Variants in SCARB2 observed in about 807,000 individuals in gnomAD.
The protein encoded by SCARB2 is lysosome membrane protein 2.
SCARB2 carries 29 observed loss-of-function variants against 58.6 expected under a neutral mutation model. That is an observed-to-expected ratio of 0.49 (90% CI 0.37 to 0.67). The LOEUF is 0.67. Among genes scored for constraint, SCARB2 ranks in the 30% least tolerant of loss-of-function variants. SCARB2 has a pLI of 0.00. For missense variants in SCARB2, 488 were observed against 578.5 expected, an observed-to-expected ratio of 0.84 and a Z score of 1.60; for synonymous variants, 195 against 210.1, an observed-to-expected ratio of 0.93 and a Z score of 0.62.
intron 1 of SCARB2, among the ~76,000 whole-genome samples, chr4:76,211,650 C>T (rs1733049683): frequency 2.0e-5 from 3 of 152,282 alleles, no homozygotes; most frequent in African/African-American, 7.2e-5. Flanking sequence ...ATAGTGGAAG[C>T]TAGGTTTCAT....
chr4:76,232,704 G>A (rs1342605993), intron 1 of SCARB2, among the ~76,000 whole-genome samples: 4 of 152,028 alleles, frequency 2.6e-5, no homozygotes, highest in South Asian at 4.2e-4. Flanking sequence ...AAATCATCTC[G>A]TTTGCCTCTC....
intron 1 of SCARB2, among the ~76,000 whole-genome samples, chr4:76,226,067 TC>T (rs1167326201): frequency 6.6e-6 from 1 of 152,040 alleles, no homozygotes; most frequent in Non-Finnish European, 1.5e-5. Flanking sequence ...GTTGGGGTGA[TC>T]AGACTCAACA....
At chr4:76,178,876 G>C (rs1193478103) in intron 4 of SCARB2, among the ~76,000 whole-genome samples, 2 of 152,166 alleles carry the variant, frequency 1.3e-5, no homozygotes, top group Non-Finnish European at 2.9e-5. Flanking sequence ...TACATGAAGA[G>C]GGTAAGACTC....
intron 9 of SCARB2, 72 bp from the exon 10 acceptor site, chr4:76,166,373 A>G: frequency 2.1e-6 from 3 of 1,437,894 alleles, no homozygotes; most frequent in East Asian, 2.3e-5. Flanking sequence ...GGACAGACAC[A>G]TTTATATGAA....
chr4:76,193,677 A>C (rs1732650210), intron 2 of SCARB2: 1 of 152,190 alleles, frequency 6.6e-6, no homozygotes, highest in Non-Finnish European at 1.5e-5. Flanking sequence ...CCCTTCTCAA[A>C]TGGGAATGTT....
At chr4:76,227,328 G>A (rs1733415697) in intron 1 of SCARB2, among the ~76,000 whole-genome samples, 1 of 152,112 alleles carries the variant, frequency 6.6e-6, no homozygotes, top group Non-Finnish European at 1.5e-5. Flanking sequence ...ATTATTTAAT[G>A]TCCATTATTT....
chr4:76,197,677 T>C (rs1194868220), intron 1 of SCARB2, among the ~76,000 whole-genome samples: 5 of 152,160 alleles, frequency 3.3e-5, no homozygotes, highest in Admixed American at 6.5e-5. Context: ...AGAAAAGCCT[T>C]GTATTTTTAC....
intron 7 of SCARB2, among the ~76,000 whole-genome samples, chr4:76,171,990 G>A (rs1014011984): frequency 5.3e-5 from 8 of 150,364 alleles, no homozygotes; most frequent in Non-Finnish European, 7.4e-5. Context: ...ACTTGCGCAC[G>A]TGTGTGTGTA....
chr4:76,161,977 C>G (rs978961770), intron 11 of SCARB2: 1 of 596,414 alleles, frequency 1.7e-6, no homozygotes, highest in African/African-American at 1.9e-5. Context: ...AATACCAGAG[C>G]AGTACCCTTC....
intron 7 of SCARB2, chr4:76,173,143 T>C (rs1471907761): frequency 3.3e-5 from 5 of 152,144 alleles, no homozygotes; most frequent in Non-Finnish European, 5.9e-5. Context: ...ATGAAGAAAA[T>C]AGTTTTGTCA....
chr4:76,232,790 T>C (rs1733515740), intron 1 of SCARB2, among the ~76,000 whole-genome samples: 2 of 152,194 alleles, frequency 1.3e-5, no homozygotes. Context: ...AAACTTAAGT[T>C]TGATTTTTGG....
chr4:76,223,792 GACTCTCC>G (rs796360162), intron 1 of SCARB2, among the ~76,000 whole-genome samples: 4 of 152,248 alleles, frequency 2.6e-5, no homozygotes, highest in East Asian at 1.9e-4. Context: ...CTGGTATTTG[GACTCTCC>G]ACTCTCCACC....
At chr4:76,217,507 TC>T (rs1733228867), upstream of SCARB2, 2 of 414,072 alleles carry the variant, frequency 4.8e-6, no homozygotes, top group South Asian at 8.5e-5. Flanking sequence ...AGCTGGCACC[TC>T]CTCCTTCTCT....
intron 4 of SCARB2, among the ~76,000 whole-genome samples, chr4:76,178,882 G>C (rs1020205917): frequency 6.6e-6 from 1 of 152,180 alleles, no homozygotes; most frequent in Admixed American, 6.5e-5. Flanking sequence ...AAGAGGGTAA[G>C]ACTCTTGAAC....
At position 76,174,296 on chromosome 4, in the gene SCARB2, A is replaced by G. The variant is rs746218033; in HGVS notation, c.842T>C (p.Phe281Ser). ...SDFCRSVYIT[F>S]SDYESVQGLP... ...TCCCTGTACACTCTCATAGTCACTGAAAGTAATATACACTGACCTGTTAGG... is the reference window on the plus strand; with the variant it reads ...TCCCTGTACACTCTCATAGTCACTGGAAGTAATATACACTGACCTGTTAGG... The change falls in exon 7 of 12, where the codon TTC (phenylalanine) becomes TCC (serine). Residue 281 changes from phenylalanine to serine, a missense_variant. By Grantham distance (155) the Phe-to-Ser change is radical. Coordinates refer to ENST00000264896, the MANE Select transcript of SCARB2 (RefSeq NM_005506.4). 1.5e-5 allele frequency: 24 copies of G among 1,614,058 alleles called. No individual in the cohort carries two copies. The highest frequency in any genetic ancestry group is 1.8e-5 in the Non-Finnish European group (21 of 1,180,004).
Position 76,213,787 on chromosome 4 carries a change from G to T in SCARB2, c.-244C>A. ...GACTCGGTTTCGGTTTCCTTCGCCG[G>T]GCAGCCGTGGCGCCCGCCTAGCGCA... On this transcript the variant is annotated 5_prime_UTR_variant, in exon 1 of 12. Transcript: ENST00000264896. 2.5e-6 allele frequency: 1 copy of T among 394,436 alleles called. No individual in the cohort carries two copies. Among genetic ancestry groups the T allele is most frequent in the Admixed American group, 5.0e-5 (1 of 19,900 alleles). 24.4% of individuals were successfully genotyped at this position (394,436 alleles called of 1,614,324 possible).
At chr4:76,191,585 G>C (rs1256130137) in intron 2 of SCARB2, among the ~76,000 whole-genome samples, 1 of 152,022 alleles carries the variant, frequency 6.6e-6, no homozygotes, top group Non-Finnish European at 1.5e-5. Context: ...TAAGTTTCCT[G>C]AGGCCTCCCC....
chr4:76,190,274 T>C (rs1397790223), intron 2 of SCARB2, among the ~76,000 whole-genome samples: 3 of 151,516 alleles, frequency 2.0e-5, no homozygotes, highest in Admixed American at 6.6e-5. Context: ...CCCCCCAAAA[T>C]GCTGGGATTA....
At chr4:76,225,387 C>T (rs1284791623) in intron 1 of SCARB2, among the ~76,000 whole-genome samples, 1 of 152,160 alleles carries the variant, frequency 6.6e-6, no homozygotes, top group Non-Finnish European at 1.5e-5. Context: ...CTTTCCTTCC[C>T]TTGTCTGACT....
Sources: allele counts gnomAD v4.1 joint callset (sites outside exome capture counted in the v4.1 genomes callset), GRCh38; gene constraint gnomAD v4.1.1; transcripts MANE v1.5; gene names NCBI Gene and HGNC (gene_info 2026-07-23, HGNC 2026-07-21).